Variants in ZNF652 observed in about 807,000 individuals in gnomAD.
ZNF652 encodes zinc finger protein 652.
In ZNF652, 16 loss-of-function variants were observed where a neutral mutation model predicts 45.2. That is an observed-to-expected ratio of 0.35 (90% confidence interval 0.24 to 0.54). The LOEUF (loss-of-function observed/expected upper bound fraction) is 0.54. Ranked by LOEUF, ZNF652 falls within the 20% of genes least tolerant of loss-of-function variation. ZNF652 has a pLI of 0.91. For missense variants in ZNF652, 614 were observed against 765.6 expected, an observed-to-expected ratio of 0.80 and a Z score of 2.34; for synonymous variants, 250 against 260.6, an observed-to-expected ratio of 0.96 and a Z score of 0.39.
At chr17:49,334,194 G>A (rs569101281) in intron 1 of ZNF652, among the ~76,000 whole-genome samples, 16 of 152,098 alleles carry the variant, frequency 1.1e-4, no homozygotes, top group Non-Finnish European at 2.2e-4. Context: ...AAAAAGGAAT[G>A]AAGAAGTCAG....
chr17:49,311,782 GCA>G, intron 4 of ZNF652, 143 bp downstream of exon 4: 1 of 648,528 alleles, frequency 1.5e-6, no homozygotes, highest in Non-Finnish European at 2.7e-6. Flanking sequence ...CAGTGACAGC[GCA>G]CACAGAGCTC....
intron 1 of ZNF652, among the ~76,000 whole-genome samples, chr17:49,328,937 A>G (rs965574536): frequency 2.0e-5 from 3 of 152,234 alleles, no homozygotes; most frequent in African/African-American, 7.2e-5. Context: ...CAAGTTTACC[A>G]CACTGTCTCC....
At chr17:49,344,518 A>AT (rs35027750) in intron 1 of ZNF652, among the ~76,000 whole-genome samples, 12,579 of 110,214 alleles carry the variant, frequency 0.11, 939 homozygotes, top group African/African-American at 0.2. Context: ...TCAAAGCAAA[A>AT]TTTTTTTTTT....
intron 5 of ZNF652, among the ~76,000 whole-genome samples, chr17:49,307,589 A>G (rs935316022): frequency 6.7e-6 from 1 of 150,062 alleles, no homozygotes; most frequent in Non-Finnish European, 1.5e-5. Flanking sequence ...AAAAATACAA[A>G]AAAAAAAAAA....
intron 2 of ZNF652, among the ~76,000 whole-genome samples, chr17:49,315,598 TC>T (rs953527048): frequency 2.7e-5 from 4 of 149,662 alleles, no homozygotes; most frequent in African/African-American, 9.8e-5. Context: ...TATATAAAGA[TC>T]AAGAACGCTT....
intron 1 of ZNF652, among the ~76,000 whole-genome samples, chr17:49,327,779 A>ATATAT (rs2069980619): frequency 1.5e-3 from 6 of 4,098 alleles, no homozygotes; most frequent in African/African-American, 3.8e-3. Flanking sequence ...ATATATATAT[A>ATATAT]TTTTTTTTTT....
intron 1 of ZNF652, among the ~76,000 whole-genome samples, chr17:49,352,321 C>G (rs1333996982): frequency 6.6e-6 from 1 of 151,502 alleles, no homozygotes; most frequent in Non-Finnish European, 1.5e-5. Context: ...AATTTGGGAG[C>G]TGAAAGAACT....
chr17:49,348,623 C>T (rs530233094), intron 1 of ZNF652, among the ~76,000 whole-genome samples: 215 of 152,028 alleles, frequency 1.4e-3, no homozygotes, highest in Non-Finnish European at 2.5e-3. Flanking sequence ...CTTCTTGGGA[C>T]GCTAATTCAA....
intron 1 of ZNF652, among the ~76,000 whole-genome samples, chr17:49,331,595 G>C (rs80264618): frequency 6.6e-6 from 1 of 151,866 alleles, no homozygotes; most frequent in Admixed American, 6.6e-5. Context: ...AACTCATTTA[G>C]AAAATGAAAA....
intron 1 of ZNF652, among the ~76,000 whole-genome samples, chr17:49,359,970 CATT>C (rs1433786994): frequency 6.6e-6 from 1 of 152,174 alleles, no homozygotes; most frequent in African/African-American, 2.4e-5. Flanking sequence ...TCAGGATAGG[CATT>C]ATAAAACAGA....
chr17:49,302,677 T>C (rs910926713), intron 5 of ZNF652, among the ~76,000 whole-genome samples: 1 of 151,958 alleles, frequency 6.6e-6, no homozygotes, highest in Non-Finnish European at 1.5e-5. Flanking sequence ...AATGTATACA[T>C]GAGGACGGGT....
Position 49,298,689 on chromosome 17 carries a change from TG to T in ZNF652, c.1544del (p.Pro515GlnfsTer6). The part of the protein sequence containing the change: ...QIPLTTSPAT[P>X]VPSVVNTATT... ...TGGCTGTGTTCACCACAGAAGGAAC[TG>T]GGGTGGCTGGGGAAGTTGTAAGTGG... On this transcript the variant is annotated frameshift_variant, in exon 6 of 6. Transcript: ENST00000430262. LOFTEE classifies it high-confidence loss of function. 6.2e-7 allele frequency: 1 copy of T among 1,613,066 alleles called. No homozygotes were observed. Among genetic ancestry groups the T allele is most frequent in the Non-Finnish European group, 8.5e-7 (1 of 1,179,844 alleles).
At chr17:49,299,402 C>A in intron 5 of ZNF652, among the ~76,000 whole-genome samples, 1 of 151,928 alleles carries the variant, frequency 6.6e-6, no homozygotes, top group East Asian at 1.9e-4. Flanking sequence ...TTTTTTGAGA[C>A]AGAGTTTTGC....
intron 1 of ZNF652, among the ~76,000 whole-genome samples, chr17:49,319,842 T>G (rs1598298149): frequency 6.6e-6 from 1 of 152,032 alleles, no homozygotes; most frequent in South Asian, 2.1e-4. Flanking sequence ...GGGGTCTCCC[T>G]ATGTTACCCA....
chr17:49,327,752 TATATATATATATATATATATATATA>T (rs1355645800), intron 1 of ZNF652, among the ~76,000 whole-genome samples: 4 of 5,020 alleles, frequency 8.0e-4, no homozygotes, highest in East Asian at 5.9e-3. Flanking sequence ...TATATATATA[TATATATATATATATATATATATATA>T]TATTTTTTTT....
At chr17:49,335,146 C>T (rs918714388) in intron 1 of ZNF652, among the ~76,000 whole-genome samples, 7 of 152,008 alleles carry the variant, frequency 4.6e-5, no homozygotes, top group African/African-American at 1.7e-4. Context: ...ATAACAAAAT[C>T]AAATAGGCTA....
At chr17:49,355,408 T>C (rs915035636) in intron 1 of ZNF652, among the ~76,000 whole-genome samples, 1 of 145,578 alleles carries the variant, frequency 6.9e-6, no homozygotes, top group Non-Finnish European at 1.5e-5. Context: ...GGCAACATAG[T>C]GAGGGAAAAA....
In ZNF652 at chr17:49,319,833, G is replaced by T. The variant is rs1230656718; in HGVS notation, c.-258-1850C>A. ...ATTTTCAAAAAAATTTTTAGAGATGGGGTCTCCCTATGTTACCCAGGCTGG... is the reference window on the plus strand; with the variant it reads ...ATTTTCAAAAAAATTTTTAGAGATGTGGTCTCCCTATGTTACCCAGGCTGG... On this transcript the variant is annotated intron_variant, in intron 1 of 5. Transcript: ENST00000430262. Among the ~76,000 whole-genome samples, 6 of 151,916 alleles carry T rather than the reference G, an allele frequency of 3.9e-5. No individual in the cohort carries two copies. In the East Asian group the frequency reaches 9.6e-4, roughly 24 times the overall value.
At chr17:49,303,397 T>C (rs796522129) in intron 5 of ZNF652, among the ~76,000 whole-genome samples, 1 of 151,824 alleles carries the variant, frequency 6.6e-6, no homozygotes, top group South Asian at 2.1e-4. Flanking sequence ...TGCACCACCA[T>C]ACCTGGCTAG....
Sources: allele counts gnomAD v4.1 joint callset (sites outside exome capture counted in the v4.1 genomes callset), GRCh38; gene constraint gnomAD v4.1.1; transcripts MANE v1.5; gene names NCBI Gene and HGNC (gene_info 2026-07-23, HGNC 2026-07-21).